The following RBBP8NL variants were observed in gnomAD, a reference collection of about 807,000 sequenced individuals.
RBBP8NL encodes the protein RBBP8 N-terminal-like protein.
RBBP8NL carries 59 observed loss-of-function variants against 62.2 expected under a neutral mutation model. That is an observed-to-expected ratio of 0.95 (90% CI 0.77 to 1.18). The LOEUF (loss-of-function observed/expected upper bound fraction) is 1.18. Among genes scored for constraint, RBBP8NL ranks in the 50% most tolerant of loss-of-function variants. The pLI is 0.00. For synonymous variants in RBBP8NL, 412 were observed against 394.1 expected, an observed-to-expected ratio of 1.05 and a Z score of -0.54; for missense variants, 896 against 899.5, an observed-to-expected ratio of 1.00 and a Z score of 0.05.
At chr20:62,412,409 C>G (rs983521484) in intron 13 of RBBP8NL, among the ~76,000 whole-genome samples, 1 of 152,234 alleles carries the variant, frequency 6.6e-6, no homozygotes, top group Non-Finnish European at 1.5e-5. Flanking sequence ...CTGACACCAA[C>G]CTACACAGTC....
At chr20:62,421,925 T>C (rs989308655) in intron 1 of RBBP8NL, among the ~76,000 whole-genome samples, 1 of 152,104 alleles carries the variant, frequency 6.6e-6, no homozygotes, top group Admixed American at 6.5e-5. Context: ...GTGTGTGCTG[T>C]GTGTGTGCAT....
In RBBP8NL at chr20:62,415,859, ATGGCCT is replaced by A; in HGVS notation, c.467_472del (p.Lys156_Ala157del). 6.2e-7 allele frequency: 1 copy of A among 1,611,714 alleles called. No homozygotes were observed. Among genetic ancestry groups the A allele is most frequent in the Non-Finnish European group, 8.5e-7 (1 of 1,179,668 alleles). The stretch of plus-strand genomic sequence containing the variant: ...GTGGCCTCCCGGTGGCTTCTCTGTG[ATGGCCT>A]TCCAGCCACCAGGGGAGGGGAGCAG... On this transcript the variant is annotated inframe_deletion, in exon 7 of 14. Transcript: ENST00000252998.
chr20:62,412,498 T>A, intron 13 of RBBP8NL, 126 bp downstream of exon 13: 1 of 1,310,354 alleles, frequency 7.6e-7, no homozygotes, highest in Non-Finnish European at 1.1e-6. Context: ...TTGAGGTTCA[T>A]TTTTGGCTCC....
Position 62,410,909 on chromosome 20 carries a change from G to T in RBBP8NL, c.1964C>A (p.Ser655Tyr). The change falls in exon 14 of 14, where the codon TCC (serine) becomes TAC (tyrosine). Residue 655 changes from serine to tyrosine, a missense_variant. Transcript: ENST00000252998. ...CTCCTCCCAGGGGCTGCTGTTGGGG[G>T]AGGGACTGTGGTCCTCGGCGTCCCT... ...SPRDAEDHSP[S>Y]PNSSPWEET is the part of the protein sequence containing the mutation. 1 of 1,613,238 alleles carries T rather than the reference G, an allele frequency of 6.2e-7. No individual in the cohort carries two copies. Among genetic ancestry groups the T allele is most frequent in the Non-Finnish European group, 8.5e-7 (1 of 1,179,706 alleles).
At chr20:62,422,732 C>T (rs1988735227) in intron 1 of RBBP8NL, among the ~76,000 whole-genome samples, 1 of 145,648 alleles carries the variant, frequency 6.9e-6, no homozygotes, top group Admixed American at 7.0e-5. Flanking sequence ...TCTTGCCGAG[C>T]CCTTGCACCT....
At chr20:62,423,125 C>T (rs573437641) in intron 1 of RBBP8NL, among the ~76,000 whole-genome samples, 56 of 152,116 alleles carry the variant, frequency 3.7e-4, no homozygotes, top group Non-Finnish European at 6.3e-4. Flanking sequence ...AAGCAGGTCA[C>T]GTGGCCAGCA....
intron 1 of RBBP8NL, among the ~76,000 whole-genome samples, chr20:62,421,021 G>A (rs1397163143): frequency 3.9e-5 from 6 of 152,000 alleles, no homozygotes; most frequent in Non-Finnish European, 5.9e-5. Flanking sequence ...GCCTGGGGGC[G>A]CTGTGACTGT....
chr20:62,424,877 G>A (rs1988774583), intron 1 of RBBP8NL, among the ~76,000 whole-genome samples: 3 of 152,158 alleles, frequency 2.0e-5, no homozygotes. Context: ...CCAGCAGAGA[G>A]GGTGCACCCC....
chr20:62,413,746 T>C (rs1462397144), intron 10 of RBBP8NL, 75 bp downstream of exon 10: 11 of 1,496,230 alleles, frequency 7.4e-6, no homozygotes. Context: ...CAGCCCGAGG[T>C]CTGGGGGGAG....
intron 1 of RBBP8NL, among the ~76,000 whole-genome samples, chr20:62,420,627 A>G (rs1988678664): frequency 6.6e-6 from 1 of 152,200 alleles, no homozygotes; most frequent in African/African-American, 2.4e-5. Context: ...CATGCTGACA[A>G]CAAAGCTGTG....
At chr20:62,411,588 G>T (rs1410132548) in intron 13 of RBBP8NL, among the ~76,000 whole-genome samples, 1 of 152,208 alleles carries the variant, frequency 6.6e-6, no homozygotes, top group East Asian at 1.9e-4. Context: ...AGGCTCACAG[G>T]CAGCCACAGC....
At chr20:62,420,036 C>T (rs897741492) in intron 1 of RBBP8NL, among the ~76,000 whole-genome samples, 3 of 152,168 alleles carry the variant, frequency 2.0e-5, no homozygotes, top group Non-Finnish European at 4.4e-5. Context: ...CTGAGCCACC[C>T]CGTTCTCCCC....
Position 62,412,742 on chromosome 20 carries a change from G to T in RBBP8NL, c.1758C>A (p.Ser586Arg), listed in dbSNP as rs756730724. The T allele has an allele frequency of 2.5e-6, 4 of 1,612,280 alleles. No homozygotes were observed. The South Asian group carries it at 3.3e-5, about 13-fold the overall frequency. The change falls in exon 13 of 14, where the codon AGC becomes AGA. Residue 586 changes from serine to arginine, a missense_variant. Ser to Arg is a moderately radical substitution (Grantham distance 110). Transcript: ENST00000252998. ...TDTPGSEVGL[S>R]SQAEATTSTT... ...TGCTCGTAGTGGCCTCCGCCTGGGA[G>T]CTCAGGCCCACCTGGGGAGAAGGGG...
intron 3 of RBBP8NL, among the ~76,000 whole-genome samples, chr20:62,417,548 G>A (rs1456917023): frequency 3.1e-4 from 19 of 61,622 alleles, no homozygotes; most frequent in African/African-American, 9.2e-4. Context: ...CGTCTGTCCC[G>A]TCCACGCAAC....
chr20:62,416,256 G>A lies in RBBP8NL; in HGVS notation c.314-20C>T, dbSNP rs201172775. On this transcript the variant is annotated intron_variant, in intron 5 of 13. Coordinates refer to ENST00000252998, the MANE Select transcript of RBBP8NL (RefSeq NM_080833.3). ...CGTTGGCTGCAAAAGGCACTGATGA[G>A]CAAAGCAGCCAGGGGTTGGGGGGGA... The A allele has an allele frequency of 3.0e-4, 217 of 714,290 alleles. No homozygotes were observed. The highest frequency in any genetic ancestry group is 9.4e-4 in the Admixed American group (46 of 48,840). 44.2% of individuals were successfully genotyped at this position (714,290 alleles called of 1,614,324 possible). A position where few individuals can be genotyped will look rare whatever the true frequency, so the allele number is the denominator to read the frequency against.
At chr20:62,416,954 G>A in intron 4 of RBBP8NL, 82 bp from the exon 5 acceptor site, 2 of 1,128,506 alleles carry the variant, frequency 1.8e-6, no homozygotes, top group Non-Finnish European at 2.5e-6. Flanking sequence ...CCCACTGCTG[G>A]GAAGTGCCCC....
In RBBP8NL at chr20:62,415,938, G is replaced by A. The variant is rs1207979074; in HGVS notation, c.394C>T (p.Pro132Ser). 1 of 1,538,924 alleles carries A rather than the reference G, an allele frequency of 6.5e-7. No homozygotes were observed. The highest frequency in any genetic ancestry group is 2.0e-5 in the Admixed American group (1 of 51,200). ...VKRLRGLGDRPKPRAKEGTSD... is the reference protein window; with the variant it reads ...VKRLRGLGDRSKPRAKEGTSD... ...GTGCCCTCCTTGGCCCGGGGCTTGG[G>A]CCTGTCTCTAGAGGGGAGGCAGAGA... Residue 132 changes from proline (P) to serine (S), a missense_variant, in exon 7 of 14, where the codon CCC becomes TCC. Coordinates refer to ENST00000252998, the MANE Select transcript of RBBP8NL (RefSeq NM_080833.3).
In RBBP8NL at chr20:62,424,590, G is replaced by A. The variant is rs141890761; in HGVS notation, c.-84+2870C>T. Among the ~76,000 whole-genome samples, 238 of 152,288 alleles carry A rather than the reference G, an allele frequency of 1.6e-3. 3 individuals carry two copies. In the East Asian group the frequency reaches 0.036, roughly 23 times the overall value. ...ACGGAACAGAGCCCATCCAGTAAACGGGTGCCTCTTATCCCCCGGACAGGG... is the reference window on the plus strand; with the variant it reads ...ACGGAACAGAGCCCATCCAGTAAACAGGTGCCTCTTATCCCCCGGACAGGG... On this transcript the variant is annotated intron_variant, in intron 1 of 13. Coordinates refer to ENST00000252998, the MANE Select transcript of RBBP8NL (RefSeq NM_080833.3).
rs1250213145 is a variant in RBBP8NL at position 62,416,845 on chromosome 20, G to T, written c.228C>A (p.Cys76Ter). ...NRLRAGLCDR[C>*]MVTQELARKR... The stretch of plus-strand genomic sequence containing the variant: ...TCCTGGCCAGCTCCTGGGTGACCAT[G>T]CAGCGGTCGCACAGGCCGGCCCGCA... Residue 76 changes from cysteine to a stop codon, truncating the protein, a stop_gained, in exon 5 of 14, where the codon TGC becomes TGA. Transcript: ENST00000252998. LOFTEE classifies it high-confidence loss of function. 6.4e-7 allele frequency: 1 copy of T among 1,574,618 alleles called. No homozygotes were observed. The highest frequency in any genetic ancestry group is 1.2e-5 in the South Asian group (1 of 86,326).
Sources: gnomAD v4.1 joint callset for allele counts (sites outside exome capture counted in the v4.1 genomes callset) on GRCh38, gnomAD v4.1.1 for gene constraint, MANE v1.5 for transcripts, NCBI Gene and HGNC (gene_info 2026-07-23, HGNC 2026-07-21) for gene names.